The following CACNG4 variants were observed in gnomAD, a reference collection of about 807,000 sequenced individuals.
CACNG4 encodes voltage-dependent calcium channel gamma-4 subunit.
CACNG4 carries 8 observed loss-of-function variants against 22.9 expected under a neutral mutation model. The observed-to-expected ratio is 0.35, with a 90% CI of 0.21 to 0.63. The LOEUF is 0.63. CACNG4 is among the 30% of genes least tolerant of loss of function. The pLI, the probability that CACNG4 is intolerant of heterozygous loss-of-function variation, is 0.72. For synonymous variants in CACNG4, 188 were observed against 191.9 expected (o/e 0.98, Z 0.17); for missense variants, 357 against 455.4 (o/e 0.78, Z 1.97).
intron 1 of CACNG4, among the ~76,000 whole-genome samples, chr17:66,978,138 G>C (rs932718162): frequency 2.6e-5 from 4 of 152,184 alleles, no homozygotes. Flanking sequence ...AGATCCCAGA[G>C]TGAGTCAGGG....
chr17:66,972,062 G>A (rs2035208014), intron 1 of CACNG4, among the ~76,000 whole-genome samples: 1 of 152,192 alleles, frequency 6.6e-6, no homozygotes, highest in African/African-American at 2.4e-5. Flanking sequence ...CCCGGAGAAG[G>A]GGATGAGGAA....
chr17:67,009,501 GGGTACCTCC>G (rs150697914), intron 1 of CACNG4, among the ~76,000 whole-genome samples: 1 of 143,112 alleles, frequency 7.0e-6, no homozygotes, highest in African/African-American at 3.0e-5. Context: ...CCTTTAAGAA[GGGTACCTCC>G]CTGGGCCTTC....
At chr17:66,966,331 T>C (rs891635659) in intron 1 of CACNG4, among the ~76,000 whole-genome samples, 6 of 152,128 alleles carry the variant, frequency 3.9e-5, no homozygotes, top group African/African-American at 1.4e-4. Flanking sequence ...GGGCTTTCCT[T>C]TGATTTTTCA....
chr17:66,978,439 T>C (rs1598103376), intron 1 of CACNG4, among the ~76,000 whole-genome samples: 2 of 151,922 alleles, frequency 1.3e-5, no homozygotes, highest in African/African-American at 4.8e-5. Flanking sequence ...GGGGCTTCGG[T>C]TCTTAATTCC....
At position 67,027,729 on chromosome 17, in the gene CACNG4, G is replaced by C. The variant is rs1397243585; in HGVS notation, c.445+2729G>C. Among the ~76,000 whole-genome samples, 1 of 152,178 alleles carries C rather than the reference G, an allele frequency of 6.6e-6. No individual in the cohort carries two copies. Among genetic ancestry groups the C allele is most frequent in the African/African-American group, 2.4e-5 (1 of 41,454 alleles). ...GAAGCAGCAAGAGAGAGATCAGAGG[G>C]GAGACAGGTGAACTAGCGGTGGCTC... On this transcript the variant is annotated intron_variant, in intron 3 of 3. Transcript: ENST00000262138. This position sits in a 1 kb window ranked among gnomAD's most constrained non-coding sequence, Gnocchi z 4.3.
chr17:67,014,298 A>T (rs1429821916), intron 1 of CACNG4, among the ~76,000 whole-genome samples: 2 of 152,166 alleles, frequency 1.3e-5, no homozygotes, highest in Non-Finnish European at 2.9e-5. Flanking sequence ...TCAGCTATTC[A>T]TTTTCTCCTT....
intron 1 of CACNG4, among the ~76,000 whole-genome samples, chr17:66,969,918 A>G (rs1308122244): frequency 2.0e-5 from 3 of 152,146 alleles, no homozygotes; most frequent in Non-Finnish European, 4.4e-5. Flanking sequence ...GAAATAACCC[A>G]GAGGCAGCCT....
At chr17:66,994,091 G>C (rs1454860500) in intron 1 of CACNG4, among the ~76,000 whole-genome samples, 1 of 152,174 alleles carries the variant, frequency 6.6e-6, no homozygotes, top group East Asian at 1.9e-4. Flanking sequence ...AGCACTTTGG[G>C]AGGCCGAGGT....
In CACNG4 at chr17:67,032,229, G is replaced by A. The variant is rs986989991; in HGVS notation, c.*1225G>A. 4.1e-5 allele frequency: 14 copies of A among 344,536 alleles called. No individual in the cohort carries two copies. Among genetic ancestry groups the A allele is most frequent in the African/African-American group, 1.3e-4 (6 of 46,564 alleles). 21.3% of individuals were successfully genotyped at this position (344,536 alleles called of 1,614,324 possible). A position where few individuals can be genotyped will look rare whatever the true frequency, so the allele number is the denominator to read the frequency against. Reference sequence around the variant, plus strand: ...GAGGGGAGATCTCAGCACTTTGTCCGGAGCTGAGGAAGTGGTTTCTGTGTT... The same window carrying A: ...GAGGGGAGATCTCAGCACTTTGTCCAGAGCTGAGGAAGTGGTTTCTGTGTT... On this transcript the variant is annotated 3_prime_UTR_variant, in exon 4 of 4. Coordinates refer to ENST00000262138, the MANE Select transcript of CACNG4 (RefSeq NM_014405.4).
chr17:67,011,033 G>A (rs1327541295), intron 1 of CACNG4, among the ~76,000 whole-genome samples: 1 of 152,196 alleles, frequency 6.6e-6, no homozygotes, highest in Non-Finnish European at 1.5e-5. Context: ...GGAGTAGTTG[G>A]GAGATGGCCA....
chr17:66,980,377 T>C (rs543391766), intron 1 of CACNG4, among the ~76,000 whole-genome samples: 20 of 152,174 alleles, frequency 1.3e-4, no homozygotes, highest in Non-Finnish European at 2.6e-4. Context: ...ATCGGAAAGC[T>C]GTGTCGTGAG....
At position 66,984,448 on chromosome 17, in the gene CACNG4, C is replaced by T. The variant is rs2035293982; in HGVS notation, c.220+19317C>T. ...ATGGCCTGCCACCAGCCTGCACCCG[C>T]CCCCATTCATCCCCAACTGCTGGCC... On this transcript the variant is annotated intron_variant, in intron 1 of 3. Transcript: ENST00000262138. This position sits in a 1 kb window ranked among gnomAD's most constrained non-coding sequence, Gnocchi z 4.0. Among the ~76,000 whole-genome samples the T allele has an allele frequency of 6.6e-6, 1 of 152,150 alleles. No homozygotes were observed. Among genetic ancestry groups the T allele is most frequent in the Non-Finnish European group, 1.5e-5 (1 of 68,018 alleles).
Position 67,031,790 on chromosome 17 carries a change from G to T in CACNG4, c.*786G>T. Reference sequence around the variant, plus strand: ...CTTCAGAGTCTGGAGGGTTCCATCGGTCAGGGGAATGGCGGCCACGTGACC... The same window carrying T: ...CTTCAGAGTCTGGAGGGTTCCATCGTTCAGGGGAATGGCGGCCACGTGACC... On this transcript the variant is annotated 3_prime_UTR_variant, in exon 4 of 4. Coordinates refer to ENST00000262138, the MANE Select transcript of CACNG4 (RefSeq NM_014405.4). The surrounding 1 kb of genome is among the most constrained non-coding windows in gnomAD (Gnocchi z 4.0). The T allele has an allele frequency of 4.4e-6, 2 of 456,694 alleles. No homozygotes were observed. The highest frequency in any genetic ancestry group is 1.5e-5 in the South Asian group (1 of 64,566). The allele number at this position is 456,694 out of a possible 1,614,324, so 28.3% of individuals were successfully genotyped here.
intron 1 of CACNG4, among the ~76,000 whole-genome samples, chr17:66,991,189 C>G (rs1322603889): frequency 6.6e-6 from 1 of 152,020 alleles, no homozygotes; most frequent in South Asian, 2.1e-4. Context: ...GAGTCAGAAG[C>G]CTCCCTGGGC....
chr17:66,967,993 C>G (rs1430580856), intron 1 of CACNG4, among the ~76,000 whole-genome samples: 1 of 152,236 alleles, frequency 6.6e-6, no homozygotes, highest in Admixed American at 6.5e-5. Context: ...GCCTGCCCCT[C>G]TGCTGGAAAG....
intron 1 of CACNG4, among the ~76,000 whole-genome samples, chr17:67,000,616 A>G (rs781131570): frequency 3.9e-4 from 60 of 152,154 alleles, no homozygotes; most frequent in Non-Finnish European, 7.6e-4. Context: ...GGAGAGACAC[A>G]GGAGGACAAG....
intron 1 of CACNG4, among the ~76,000 whole-genome samples, chr17:66,976,391 A>C (rs1598102443): frequency 2.2e-5 from 2 of 89,490 alleles, no homozygotes; most frequent in Non-Finnish European, 4.3e-5. Context: ...CCCTCCCTCC[A>C]ACTTCTTTCC....
chr17:66,978,250 C>T (rs1437338423), intron 1 of CACNG4, among the ~76,000 whole-genome samples: 2 of 152,132 alleles, frequency 1.3e-5, no homozygotes, highest in Non-Finnish European at 2.9e-5. Context: ...GGGTTGTTAG[C>T]GATACCTGCT....
At chr17:66,965,964 C>T (rs1408042866) in intron 1 of CACNG4, among the ~76,000 whole-genome samples, 1 of 152,112 alleles carries the variant, frequency 6.6e-6, no homozygotes, top group Non-Finnish European at 1.5e-5. Flanking sequence ...GTGTGCAGGA[C>T]CGATCTGCGG....
Sources: gnomAD v4.1 joint callset for allele counts (sites outside exome capture counted in the v4.1 genomes callset) on GRCh38, gnomAD v4.1.1 for gene constraint, Gnocchi (gnomAD v3.1) non-coding constraint, MANE v1.5 for transcripts, NCBI Gene and HGNC (gene_info 2026-07-23, HGNC 2026-07-21) for gene names.